The following OSBPL10 variants were observed in gnomAD, a reference collection of about 807,000 sequenced individuals.
The protein encoded by OSBPL10 is oxysterol binding protein like 10.
OSBPL10 carries 49 observed loss-of-function variants against 81.7 expected under a neutral mutation model. The observed-to-expected ratio is 0.60, with a 90% confidence interval of 0.48 to 0.76. OSBPL10 has a LOEUF of 0.76. OSBPL10 is among the 30% of genes least tolerant of loss of function. The pLI, the probability that OSBPL10 is intolerant of heterozygous loss-of-function variation, is 0.00. For synonymous variants in OSBPL10, 419 were observed against 383.6 expected (o/e 1.09, Z -1.08); for missense variants, 923 against 987.8 (o/e 0.93, Z 0.88).
At chr3:31,724,439 C>T (rs954094028) in intron 6 of OSBPL10, among the ~76,000 whole-genome samples, 1 of 152,080 alleles carries the variant, frequency 6.6e-6, no homozygotes, top group Non-Finnish European at 1.5e-5. Flanking sequence ...CCCAAAGACT[C>T]TCTCAGTCCA....
At chr3:31,712,032 CAAGAG>C (rs1246290561) in intron 6 of OSBPL10, among the ~76,000 whole-genome samples, 2 of 151,932 alleles carry the variant, frequency 1.3e-5, no homozygotes. Flanking sequence ...TTAAAGTAGC[CAAGAG>C]AAGGAGGGGA....
chr3:31,759,159 T>G (rs1225802899), intron 4 of OSBPL10, among the ~76,000 whole-genome samples: 2 of 152,164 alleles, frequency 1.3e-5, no homozygotes, highest in Non-Finnish European at 2.9e-5. Flanking sequence ...ACAAAAGGAA[T>G]AATCTTTTAA....
chr3:31,920,776 CTATT>C (rs1696890551), intron 1 of OSBPL10, among the ~76,000 whole-genome samples: 1 of 152,192 alleles, frequency 6.6e-6, no homozygotes, highest in African/African-American at 2.4e-5. Flanking sequence ...AGTTTTCACT[CTATT>C]TATTAGTTCA....
chr3:32,014,178 A>T (rs4955121), intron 2 of OSBPL10, among the ~76,000 whole-genome samples: 149,316 of 152,308 alleles, frequency 0.98, 73,194 homozygotes, highest in East Asian at 1. Context: ...CTGATGAATA[A>T]CAATGCAAAA....
chr3:31,902,737 TG>T (rs1559511667), intron 1 of OSBPL10, among the ~76,000 whole-genome samples: 2 of 152,186 alleles, frequency 1.3e-5, no homozygotes, highest in Non-Finnish European at 2.9e-5. Flanking sequence ...TAATTTTTTT[TG>T]TATTTTCAGT....
chr3:31,837,498 C>T, intron 3 of OSBPL10, among the ~76,000 whole-genome samples: 1 of 150,606 alleles, frequency 6.6e-6, no homozygotes. Context: ...ATTACAGTAA[C>T]CATCATATTT....
rs1699635142 is a variant in OSBPL10, at chr3:32,047,719, G to A, written n.186-1116C>T. Among the ~76,000 whole-genome samples, 2 of 151,356 alleles carry A rather than the reference G, an allele frequency of 1.3e-5. 1 individual carries two copies. On this transcript the variant is annotated intron_variant and non_coding_transcript_variant, in intron 1 of 3. Coordinates refer to the OSBPL10 transcript ENST00000479173. ...GCTCTGTCGCCCAGGCTGGAGTGCA[G>A]TGGTGCGATCTCGGCTCACTGCAAG...
At chr3:31,734,613 C>T (rs1332289286) in intron 5 of OSBPL10, among the ~76,000 whole-genome samples, 1 of 152,118 alleles carries the variant, frequency 6.6e-6, no homozygotes, top group African/African-American at 2.4e-5. Flanking sequence ...TGACACAAGC[C>T]TGTAGTCCCA....
At chr3:31,894,473 A>G (rs1015639672) in intron 1 of OSBPL10, among the ~76,000 whole-genome samples, 2 of 152,200 alleles carry the variant, frequency 1.3e-5, no homozygotes, top group Admixed American at 1.3e-4. Flanking sequence ...GAAACATCCT[A>G]TTTGTGACCA....
chr3:31,831,406 CAAA>C (rs111331865), intron 3 of OSBPL10, among the ~76,000 whole-genome samples: 2 of 109,028 alleles, frequency 1.8e-5, no homozygotes, highest in Admixed American at 9.9e-5. Flanking sequence ...AACTCCGTCT[CAAA>C]AAAAAAAAAA....
chr3:31,789,650 G>C (rs1375037255), intron 4 of OSBPL10, among the ~76,000 whole-genome samples: 3 of 152,182 alleles, frequency 2.0e-5, no homozygotes, highest in African/African-American at 7.2e-5. Context: ...AGCCCAGGCA[G>C]GGGGAGCAGA....
At chr3:31,858,670 T>TAG (rs1378057081) in intron 3 of OSBPL10, among the ~76,000 whole-genome samples, 1 of 152,188 alleles carries the variant, frequency 6.6e-6, no homozygotes, top group Non-Finnish European at 1.5e-5. Flanking sequence ...CCAGAGAGCC[T>TAG]AGAGCACTTG....
chr3:31,945,331 G>A (rs1283030527), intron 1 of OSBPL10, among the ~76,000 whole-genome samples: 5 of 152,022 alleles, frequency 3.3e-5, no homozygotes, highest in Non-Finnish European at 7.4e-5. Flanking sequence ...CCAGTGACAT[G>A]GGGCTCCCAA....
chr3:31,999,993 C>A (rs993547328), intron 2 of OSBPL10, among the ~76,000 whole-genome samples: 5 of 152,110 alleles, frequency 3.3e-5, no homozygotes, highest in African/African-American at 1.2e-4. Context: ...AGTGGTGCGG[C>A]CTCAGCTATA....
intron 2 of OSBPL10, among the ~76,000 whole-genome samples, chr3:32,037,186 G>A (rs1350066094): frequency 6.6e-6 from 1 of 152,238 alleles, no homozygotes; most frequent in African/African-American, 2.4e-5. Flanking sequence ...GAGAGAACAG[G>A]AACTGCGGGC....
chr3:31,957,299 C>A (rs1698036033), intron 1 of OSBPL10, among the ~76,000 whole-genome samples: 1 of 151,982 alleles, frequency 6.6e-6, no homozygotes, highest in Non-Finnish European at 1.5e-5. Context: ...ATTGTCATTA[C>A]CCACAACCTT....
At chr3:31,981,397 GC>G (rs1013210227), upstream of OSBPL10, 1 of 755,644 alleles carries the variant, frequency 1.3e-6, no homozygotes, top group Non-Finnish European at 1.8e-6. The surrounding 1 kb of genome is among the most constrained non-coding windows in gnomAD (Gnocchi z 4.5). Context: ...CCCTCCTCCC[GC>G]CGCGGCCAGG....
chr3:31,748,716 C>A (rs4131296), intron 4 of OSBPL10, among the ~76,000 whole-genome samples: 24,502 of 149,778 alleles, frequency 0.16, 2,663 homozygotes, highest in African/African-American at 0.31. Flanking sequence ...AAGAGAAAAA[C>A]CAGAAATTCT....
chr3:31,670,216 G>C (rs1304739439), intron 9 of OSBPL10, among the ~76,000 whole-genome samples: 4 of 152,334 alleles, frequency 2.6e-5, no homozygotes, highest in Admixed American at 2.6e-4. Flanking sequence ...AAAGGGCAAA[G>C]ATGGAAGTTT....
Sources: allele counts gnomAD v4.1 joint callset (sites outside exome capture counted in the v4.1 genomes callset), GRCh38; gene constraint gnomAD v4.1.1; non-coding constraint Gnocchi (gnomAD v3.1); transcripts MANE v1.5; gene names NCBI Gene and HGNC (gene_info 2026-07-23, HGNC 2026-07-21).